The following JAKMIP1 variants were observed in gnomAD, a reference collection of about 807,000 sequenced individuals.
JAKMIP1 encodes janus kinase and microtubule-interacting protein 1.
A neutral mutation model predicts 113.0 loss-of-function variants in JAKMIP1; 33 were observed. The observed-to-expected ratio is 0.29, with a 90% CI of 0.22 to 0.39. The LOEUF is 0.39. JAKMIP1 is among the 10% of genes least tolerant of loss of function. JAKMIP1 has a pLI of 1.00. For missense variants in JAKMIP1, 813 were observed against 1,080.5 expected, an observed-to-expected ratio of 0.75 and a Z score of 3.47; for synonymous variants, 480 against 459.9, an observed-to-expected ratio of 1.04 and a Z score of -0.56.
chr4:6,115,022 C>A (rs1402269420), intron 1 of JAKMIP1, among the ~76,000 whole-genome samples: 1 of 152,142 alleles, frequency 6.6e-6, no homozygotes, highest in Non-Finnish European at 1.5e-5. Context: ...CAAGGCTCAG[C>A]CAGAAGGGAT....
In JAKMIP1 at chr4:6,080,416, T is replaced by C. The variant is rs112392205; in HGVS notation, c.1102-104A>G. ...AGGGGTGCAGGGACAGAAGGATGGA[T>C]GGGAGGATGAAAGAGATGATGGCCT... On this transcript the variant is annotated intron_variant, in intron 6 of 20. Coordinates refer to ENST00000409021, the MANE Select transcript of JAKMIP1 (RefSeq NM_001099433.2). The surrounding 1 kb of genome is among the most constrained non-coding windows in gnomAD (Gnocchi z 6.0). The C allele has an allele frequency of 4.0e-5, 55 of 1,358,594 alleles. No individual in the cohort carries two copies. The highest frequency in any genetic ancestry group is 4.7e-5 in the Non-Finnish European group (47 of 992,156). The allele number at this position is 1,358,594 out of a possible 1,614,324, so 84.2% of individuals were successfully genotyped here. A position where few individuals can be genotyped will look rare whatever the true frequency, so the allele number is the denominator to read the frequency against.
rs757304306 is a variant in JAKMIP1 at position 6,185,927 on chromosome 4, T to C, written c.-148+14326A>G. On this transcript the variant is annotated intron_variant, in intron 1 of 20. Coordinates refer to ENST00000409021, the MANE Select transcript of JAKMIP1 (RefSeq NM_001099433.2). This position sits in a 1 kb window ranked among gnomAD's most constrained non-coding sequence, Gnocchi z 5.3. ...AATATTTATAGACTACAATTAAATA[T>C]GACACTAGTTCAGACTGGACTTTTT... Among the ~76,000 whole-genome samples the C allele has an allele frequency of 5.3e-5, 8 of 152,238 alleles. No homozygotes were observed. Among genetic ancestry groups the C allele is most frequent in the Non-Finnish European group, 8.8e-5 (6 of 68,044 alleles).
intron 1 of JAKMIP1, among the ~76,000 whole-genome samples, chr4:6,196,538 C>T (rs11730635): frequency 0.17 from 26,395 of 152,130 alleles, 2,355 homozygotes; most frequent in East Asian, 0.26. Context: ...ACGGACATGA[C>T]GGTGACGTGC....
At chr4:6,026,350 G>C (rs185313333) in intron 20 of JAKMIP1, 72 bp from the exon 21 acceptor site, 1 of 779,116 alleles carries the variant, frequency 1.3e-6, no homozygotes, top group East Asian at 2.7e-5. Flanking sequence ...AAGATATGTA[G>C]TATGGAACTC....
rs62282994 is a variant in JAKMIP1, at chr4:6,199,338, C to A, written c.-148+915G>T. The stretch of plus-strand genomic sequence containing the variant: ...GGGATGCTTCTAAGGCGAAAAGAAG[C>A]GCCAGCCTCGTAAGCGGCCTCTATC... On this transcript the variant is annotated intron_variant, in intron 1 of 20. Transcript: ENST00000409021. This position sits in a 1 kb window ranked among gnomAD's most constrained non-coding sequence, Gnocchi z 5.6. Among the ~76,000 whole-genome samples the A allele has an allele frequency of 3.7e-3, 570 of 152,306 alleles. 2 individuals carry two copies. The highest frequency in any genetic ancestry group is 5.7e-3 in the Non-Finnish European group (390 of 68,024).
In JAKMIP1 at chr4:6,193,533, G is replaced by A. The variant is rs1727514487; in HGVS notation, c.-148+6720C>T. 6.6e-6 allele frequency among the ~76,000 whole-genome samples: 1 copy of A among 152,230 alleles called. No individual in the cohort carries two copies. On this transcript the variant is annotated intron_variant, in intron 1 of 20. Transcript: ENST00000409021. This position sits in a 1 kb window ranked among gnomAD's most constrained non-coding sequence, Gnocchi z 6.4. The stretch of plus-strand genomic sequence containing the variant: ...GCAGCTCACACAAGCGCTCTGAGCA[G>A]CAAGAATCCAGCATGTTTCTGCAAC...
intron 1 of JAKMIP1, among the ~76,000 whole-genome samples, chr4:6,119,269 C>G (rs1046814620): frequency 6.6e-6 from 1 of 151,306 alleles, no homozygotes; most frequent in Non-Finnish European, 1.5e-5. Flanking sequence ...TGGGGCCGGG[C>G]GCGGTGGCTC....
intron 1 of JAKMIP1, among the ~76,000 whole-genome samples, chr4:6,133,036 T>G (rs1718730526): frequency 6.6e-6 from 1 of 151,914 alleles, no homozygotes; most frequent in Admixed American, 6.6e-5. Context: ...TTTTTTTAAT[T>G]AAAAAAAGAT....
At chr4:6,075,409 T>A (rs562745502) in intron 8 of JAKMIP1, among the ~76,000 whole-genome samples, 1 of 152,160 alleles carries the variant, frequency 6.6e-6, no homozygotes, top group Non-Finnish European at 1.5e-5. Context: ...TGGATCCAAG[T>A]ATCAATTCAA....
chr4:6,126,670 C>T (rs1390021077), intron 1 of JAKMIP1, among the ~76,000 whole-genome samples: 1 of 149,362 alleles, frequency 6.7e-6, no homozygotes, highest in Admixed American at 6.7e-5. Context: ...ATGCCCCCCC[C>T]ACACACACCC....
Position 6,105,656 on chromosome 4 carries a change from C to G in JAKMIP1, c.441G>C (p.Glu147Asp), listed in dbSNP as rs755518009. The G allele has an allele frequency of 6.2e-7, 1 of 1,600,580 alleles. No homozygotes were observed. Among genetic ancestry groups the G allele is most frequent in the Non-Finnish European group, 8.5e-7 (1 of 1,174,926 alleles). The change falls in exon 3 of 21, where the codon GAG becomes GAC. Residue 147 changes from glutamate (E) to aspartate (D), a missense_variant. Around this residue, in one of 2 missense-constraint regions of JAKMIP1, gnomAD observed 540 missense variants for 653.9 expected, o/e 0.83. Transcript: ENST00000409021. The stretch of plus-strand genomic sequence containing the variant: ...GGATCTCCTGCTGCAGCCGCAGGCG[C>G]TCTCCATCGAAGGCCCTGCGCGCCT... ...REEARRAFDG[E>D]RLRLQQEILE...
In JAKMIP1 at chr4:6,116,969, C is replaced by T. The variant is rs1374234243; in HGVS notation, c.-147-3972G>A. On this transcript the variant is annotated intron_variant, in intron 1 of 20. Transcript: ENST00000409021. The surrounding 1 kb of genome is among the most constrained non-coding windows in gnomAD (Gnocchi z 5.1). Reference sequence around the variant, plus strand: ...CAAGACCAGCTATGTATTTGCAGCCCAGTGCAAAATGAAAACGTGAGGCTC... The same window carrying T: ...CAAGACCAGCTATGTATTTGCAGCCTAGTGCAAAATGAAAACGTGAGGCTC... Among the ~76,000 whole-genome samples, 2 of 152,182 alleles carry T rather than the reference C, an allele frequency of 1.3e-5. No homozygotes were observed. The highest frequency in any genetic ancestry group is 2.9e-5 in the Non-Finnish European group (2 of 68,032).
intron 18 of JAKMIP1, among the ~76,000 whole-genome samples, chr4:6,037,460 C>T (rs1230364626): frequency 4.0e-5 from 5 of 124,548 alleles, no homozygotes; most frequent in Non-Finnish European, 6.4e-5. Context: ...AGTAGCCCTC[C>T]ATCACTGAGG....
rs1428114689 is a variant in JAKMIP1, at chr4:6,200,442, G to C, written c.-337C>G. 6.6e-6 allele frequency: 1 copy of C among 151,786 alleles called. No individual in the cohort carries two copies. Among genetic ancestry groups the C allele is most frequent in the Non-Finnish European group, 1.5e-5 (1 of 67,898 alleles). 9.4% of individuals were successfully genotyped at this position (151,786 alleles called of 1,614,324 possible). On this transcript the variant is annotated 5_prime_UTR_variant, in exon 1 of 21. Transcript: ENST00000409021. This position sits in a 1 kb window ranked among gnomAD's most constrained non-coding sequence, Gnocchi z 7.0. ...AAAAAAAATCGTAAAAAGCAATTGA[G>C]GAGGATGGCAGTCGCGCGCGCGGCT...
chr4:6,149,348 C>G (rs1418697270), intron 1 of JAKMIP1, among the ~76,000 whole-genome samples: 3 of 152,202 alleles, frequency 2.0e-5, no homozygotes, highest in Admixed American at 2.0e-4. Flanking sequence ...GAGGAAGAGA[C>G]AAGCGGAGAA....
rs927812756 is a variant in JAKMIP1 at position 6,081,964 on chromosome 4, G to C, written c.955-209C>G. Among the ~76,000 whole-genome samples the C allele has an allele frequency of 6.6e-6, 1 of 152,164 alleles. No individual in the cohort carries two copies. Among genetic ancestry groups the C allele is most frequent in the East Asian group, 1.9e-4 (1 of 5,188 alleles). On this transcript the variant is annotated intron_variant, in intron 5 of 20. Transcript: ENST00000409021. This position sits in a 1 kb window ranked among gnomAD's most constrained non-coding sequence, Gnocchi z 4.6. The stretch of plus-strand genomic sequence containing the variant: ...TCAAATGAGAATCACGGCAGCTCCT[G>C]TCTCCTAGGCACATGGTGAGAATTG...
At chr4:6,190,808 A>G (rs534495626) in intron 1 of JAKMIP1, among the ~76,000 whole-genome samples, 1 of 152,342 alleles carries the variant, frequency 6.6e-6, no homozygotes, top group East Asian at 1.9e-4. Context: ...TCCCAGGGTG[A>G]TGTGACATGT....
At chr4:6,125,918 A>ACCATGTAGAAACACACACCATACACC (rs1717457879) in intron 1 of JAKMIP1, among the ~76,000 whole-genome samples, 1 of 119,540 alleles carries the variant, frequency 8.4e-6, no homozygotes, top group African/African-American at 3.6e-5. Context: ...CACCATACAC[A>ACCATGTAGAAACACACACCATACACC]CCATGCAGAA....
Position 6,141,856 on chromosome 4 carries a change from A to G in JAKMIP1, c.-147-28859T>C, listed in dbSNP as rs1474941818. 1.3e-5 allele frequency among the ~76,000 whole-genome samples: 2 copies of G among 152,260 alleles called. No homozygotes were observed. The highest frequency in any genetic ancestry group is 4.8e-5 in the African/African-American group (2 of 41,476). On this transcript the variant is annotated intron_variant, in intron 1 of 20. Coordinates refer to ENST00000409021, the MANE Select transcript of JAKMIP1 (RefSeq NM_001099433.2). This position sits in a 1 kb window ranked among gnomAD's most constrained non-coding sequence, Gnocchi z 9.4. ...GTGGAAACCACTCATTTCTGCTGTC[A>G]GGCTCTGGCATGGAGAGGCGCTTAC...
Sources: allele counts gnomAD v4.1 joint callset (sites outside exome capture counted in the v4.1 genomes callset), GRCh38; gene constraint gnomAD v4.1.1; regional missense constraint gnomAD v4.1.1; non-coding constraint Gnocchi (gnomAD v3.1); transcripts MANE v1.5; gene names NCBI Gene and HGNC (gene_info 2026-07-23, HGNC 2026-07-21).